The following SYCP1 variants were observed in gnomAD, a reference collection of about 807,000 sequenced individuals.
The protein encoded by SYCP1 is cancer/testis antigen 8.
A neutral mutation model predicts 153.1 loss-of-function variants in SYCP1; 64 were observed. The ratio of observed to expected loss-of-function variants is 0.42; its 90% CI spans 0.34 to 0.51. The LOEUF (loss-of-function observed/expected upper bound fraction) is 0.51, where lower values mean the gene tolerates loss of function less well. Among genes scored for constraint, SYCP1 ranks in the 20% least tolerant of loss-of-function variants. The pLI is 0.06. For missense variants in SYCP1, 997 were observed against 1,049.0 expected (o/e 0.95, Z 0.68); for synonymous variants, 384 against 341.8 (o/e 1.12, Z -1.36).
At chr1:114,994,481 G>A (rs768888362) in intron 30 of SYCP1, among the ~76,000 whole-genome samples, 11 of 150,860 alleles carry the variant, frequency 7.3e-5, no homozygotes, top group Non-Finnish European at 1.6e-4. Flanking sequence ...GTCCTTTCTT[G>A]GCCAATTGAT....
rs1382930093 is a variant in SYCP1, at chr1:114,994,978, A to AG, written c.2891dup (p.Leu968ThrfsTer5). The AG allele has an allele frequency of 1.2e-6, 2 of 1,603,942 alleles. No homozygotes were observed. The highest frequency in any genetic ancestry group is 2.2e-5 in the South Asian group (2 of 89,608). Reference sequence around the variant, plus strand: ...TTGGGCTGTAATTGCTAAAATGGATAGAAAAAAAAAACTAAAAGAAGCTGA... The same window carrying AG: ...TTGGGCTGTAATTGCTAAAATGGATAGGAAAAAAAAAACTAAAAGAAGCTGA... On this transcript the variant is annotated frameshift_variant, in exon 32 of 32. Transcript: ENST00000369522. LOFTEE classifies it high-confidence loss of function.
At chr1:114,970,499 A>T (rs1017465698) in intron 27 of SYCP1, among the ~76,000 whole-genome samples, 19 of 149,826 alleles carry the variant, frequency 1.3e-4, no homozygotes, top group African/African-American at 3.7e-4. Context: ...GTTTTGTCAT[A>T]TTACCAGAAT....
intron 7 of SYCP1, 103 bp downstream of exon 7, chr1:114,859,913 T>G (rs1461048474): frequency 2.8e-6 from 1 of 354,204 alleles, no homozygotes; most frequent in East Asian, 1.5e-4. Context: ...ATACGTTATA[T>G]CATATGAATT....
chr1:114,889,312 A>G (rs1214989404), intron 15 of SYCP1, among the ~76,000 whole-genome samples: 2 of 152,068 alleles, frequency 1.3e-5, no homozygotes, highest in South Asian at 2.1e-4. Flanking sequence ...ACTAATTTAC[A>G]CTCCCAACAG....
At chr1:114,872,949 C>T (rs1665256144) in intron 8 of SYCP1, among the ~76,000 whole-genome samples, 1 of 152,092 alleles carries the variant, frequency 6.6e-6, no homozygotes, top group Non-Finnish European at 1.5e-5. Context: ...GCCCCCACAC[C>T]CACAAGCCCT....
At chr1:114,939,397 A>G (rs1670242913) in intron 23 of SYCP1, among the ~76,000 whole-genome samples, 1 of 152,212 alleles carries the variant, frequency 6.6e-6, no homozygotes, top group Non-Finnish European at 1.5e-5. Context: ...AACACATAAA[A>G]TGTTCATTAA....
intron 27 of SYCP1, among the ~76,000 whole-genome samples, chr1:114,961,469 G>A (rs1300240576): frequency 6.6e-6 from 1 of 152,066 alleles, no homozygotes; most frequent in Non-Finnish European, 1.5e-5. Context: ...TTTTGATGTA[G>A]GCATTTAATG....
chr1:114,955,258 A>T (rs904117377), intron 27 of SYCP1, among the ~76,000 whole-genome samples: 1 of 152,166 alleles, frequency 6.6e-6, no homozygotes, highest in Non-Finnish European at 1.5e-5. Context: ...GGTGTATGAC[A>T]TATACATATG....
intron 23 of SYCP1, among the ~76,000 whole-genome samples, chr1:114,927,124 CT>C (rs1225484143): frequency 1.3e-5 from 2 of 151,656 alleles, no homozygotes. Flanking sequence ...TAATTATGTG[CT>C]TTTTGGAAGG....
At chr1:114,967,579 G>A (rs997171628) in intron 27 of SYCP1, among the ~76,000 whole-genome samples, 9 of 152,150 alleles carry the variant, frequency 5.9e-5, no homozygotes, top group Non-Finnish European at 1.2e-4. Context: ...GTGTGTCTTT[G>A]CACGTGAGAT....
intron 18 of SYCP1, among the ~76,000 whole-genome samples, chr1:114,912,415 C>T (rs1050442504): frequency 6.6e-6 from 1 of 151,928 alleles, no homozygotes; most frequent in Non-Finnish European, 1.5e-5. Context: ...CCTAAAATCA[C>T]TCTGTAGAGC....
At chr1:114,925,855 G>A (rs1669217585) in intron 21 of SYCP1, among the ~76,000 whole-genome samples, 1 of 151,998 alleles carries the variant, frequency 6.6e-6, no homozygotes, top group South Asian at 2.1e-4. Context: ...TTAACTGAGA[G>A]AAATTATATA....
intron 26 of SYCP1, 78 bp from the exon 27 acceptor site, chr1:114,947,168 C>G: frequency 1.9e-6 from 2 of 1,029,466 alleles, no homozygotes; most frequent in South Asian, 1.4e-5. Context: ...TAAATTTACT[C>G]AGAGCACTAG....
chr1:114,910,930 G>A (rs1028534441), intron 17 of SYCP1, among the ~76,000 whole-genome samples: 2 of 151,920 alleles, frequency 1.3e-5, no homozygotes, highest in Non-Finnish European at 1.5e-5. Flanking sequence ...GCCTAGCCAA[G>A]TATTTCTTAA....
At chr1:114,876,172 A>C in intron 10 of SYCP1, 34 bp downstream of exon 10, 1 of 1,404,770 alleles carries the variant, frequency 7.1e-7, no homozygotes, top group Non-Finnish European at 9.6e-7. Flanking sequence ...TTTTTATATT[A>C]CTGTTTTGCT....
In SYCP1 at chr1:114,857,437, T is replaced by C. The variant is rs1180060817; in HGVS notation, c.238-7T>C. 9 of 1,596,746 alleles carry C rather than the reference T, an allele frequency of 5.6e-6. No homozygotes were observed. Among genetic ancestry groups the C allele is most frequent in the Non-Finnish European group, 6.8e-6 (8 of 1,171,242 alleles). Reference sequence around the variant, plus strand: ...GTATTTTCTTATAGAAACATCTATCTTTTTAGGTTGGTAATTCTGACTGTC... The same window carrying C: ...GTATTTTCTTATAGAAACATCTATCCTTTTAGGTTGGTAATTCTGACTGTC... On this transcript the variant is annotated splice_region_variant and splice_polypyrimidine_tract_variant and intron_variant, in intron 4 of 31. Transcript: ENST00000369522.
intron 27 of SYCP1, among the ~76,000 whole-genome samples, chr1:114,976,481 A>C (rs1014796571): frequency 6.6e-6 from 1 of 151,812 alleles, no homozygotes; most frequent in Non-Finnish European, 1.5e-5. Context: ...ATTATATTAG[A>C]AGAGACTTTA....
chr1:114,980,803 AG>A (rs1156939653), intron 28 of SYCP1, among the ~76,000 whole-genome samples: 1 of 151,884 alleles, frequency 6.6e-6, no homozygotes, highest in Non-Finnish European at 1.5e-5. Flanking sequence ...TTTTAAGTTC[AG>A]GGGTACATGT....
intron 16 of SYCP1, among the ~76,000 whole-genome samples, chr1:114,906,630 T>G (rs1667827221): frequency 6.6e-6 from 1 of 152,226 alleles, no homozygotes; most frequent in South Asian, 2.1e-4. Flanking sequence ...AGAAGTCTAT[T>G]GTTCAATTTC....
Sources: allele counts gnomAD v4.1 joint callset (sites outside exome capture counted in the v4.1 genomes callset), GRCh38; gene constraint gnomAD v4.1.1; transcripts MANE v1.5; gene names NCBI Gene and HGNC (gene_info 2026-07-23, HGNC 2026-07-21).